The following LGSN variants were observed in gnomAD, a reference collection of about 807,000 sequenced individuals.
LGSN encodes the protein lengsin.
Under a neutral mutation model 19.5 loss-of-function variants are expected in LGSN, and 21 were observed. That is an observed-to-expected ratio of 1.07 (90% CI 0.76 to 1.55). The LOEUF (loss-of-function observed/expected upper bound fraction) is 1.55, where lower values mean the gene tolerates loss of function less well. Ranked by LOEUF, LGSN falls within the 40% of genes most tolerant of loss-of-function variation. LGSN has a pLI of 0.00. For synonymous variants in LGSN, 257 were observed against 215.6 expected (o/e 1.19, Z -1.68); for missense variants, 673 against 608.5 (o/e 1.11, Z -1.12).
At chr6:63,440,066 A>T in the LGSN span, among the ~76,000 whole-genome samples, 23 of 152,276 alleles carry the variant, frequency 1.5e-4, no homozygotes, top group Non-Finnish European at 3.1e-4. Flanking sequence ...TCCACCACTA[A>T]AACAGTCTTC....
chr6:63,330,387 T>C, the LGSN span, among the ~76,000 whole-genome samples: 1 of 152,204 alleles, frequency 6.6e-6, no homozygotes, highest in Non-Finnish European at 1.5e-5. Flanking sequence ...TATAGAACAC[T>C]GAGGTTGCCA....
chr6:63,489,825 G>C, the LGSN span, among the ~76,000 whole-genome samples: 1 of 152,138 alleles, frequency 6.6e-6, no homozygotes, highest in South Asian at 2.1e-4. Context: ...TCCTGGCTCT[G>C]CCTCCTGAGG....
chr6:63,440,728 A>C, the LGSN span: 1 of 152,506 alleles, frequency 6.6e-6, no homozygotes, highest in African/African-American at 2.4e-5. Flanking sequence ...CCCACCCATC[A>C]AAACCCTGGA....
chr6:63,337,205 G>C, the LGSN span, among the ~76,000 whole-genome samples: 6 of 151,982 alleles, frequency 3.9e-5, 1 homozygote, highest in Admixed American at 3.3e-4. Flanking sequence ...TTACAGGTGT[G>C]AGCCACTGTG....
the LGSN span, among the ~76,000 whole-genome samples, chr6:63,529,151 A>C: frequency 1.0e-4 from 11 of 106,780 alleles, no homozygotes; most frequent in Non-Finnish European, 1.8e-4. Flanking sequence ...ATATATATGT[A>C]TATATATGTG....
the LGSN span, among the ~76,000 whole-genome samples, chr6:63,488,408 G>A: frequency 6.6e-6 from 1 of 152,122 alleles, no homozygotes; most frequent in Non-Finnish European, 1.5e-5. Context: ...CAGGTTGATC[G>A]ATCCCCTTTC....
At chr6:63,362,452 G>A in the LGSN span, among the ~76,000 whole-genome samples, 1 of 152,204 alleles carries the variant, frequency 6.6e-6, no homozygotes, top group Admixed American at 6.5e-5. Flanking sequence ...GTAGCCAAGG[G>A]AAGCCATGAC....
chr6:63,299,838 T>G (rs1267040744), intron 1 of LGSN, among the ~76,000 whole-genome samples: 1 of 152,198 alleles, frequency 6.6e-6, no homozygotes, highest in African/African-American at 2.4e-5. Context: ...CAGACTTTTT[T>G]TTCTGGGTCT....
chr6:63,327,541 C>G, the LGSN span, among the ~76,000 whole-genome samples: 2 of 152,098 alleles, frequency 1.3e-5, no homozygotes, highest in Non-Finnish European at 2.9e-5. Flanking sequence ...TAGGCCTCGG[C>G]AGTATTGGAG....
chr6:63,454,310 G>GA, the LGSN span, among the ~76,000 whole-genome samples: 3 of 152,094 alleles, frequency 2.0e-5, no homozygotes, highest in African/African-American at 7.2e-5. Context: ...AGGTACTGGA[G>GA]AAAAAATAAA....
the LGSN span, among the ~76,000 whole-genome samples, chr6:63,529,037 C>T: frequency 3.3e-5 from 5 of 150,706 alleles, no homozygotes; most frequent in Non-Finnish European, 4.4e-5. Context: ...TACAGTGAGC[C>T]GAGATTGCAC....
At chr6:63,301,417 G>A (rs1314442193) in intron 1 of LGSN, among the ~76,000 whole-genome samples, 2 of 152,102 alleles carry the variant, frequency 1.3e-5, no homozygotes, top group East Asian at 3.9e-4. Flanking sequence ...TAGTTTAGAG[G>A]TTATTTAAAG....
chr6:63,325,751 C>T, the LGSN span, among the ~76,000 whole-genome samples: 1 of 152,082 alleles, frequency 6.6e-6, no homozygotes, highest in Non-Finnish European at 1.5e-5. Context: ...CTGGTGGGTT[C>T]GTGGTCTCGC....
At chr6:63,414,923 T>G in the LGSN span, among the ~76,000 whole-genome samples, 3 of 152,068 alleles carry the variant, frequency 2.0e-5, no homozygotes, top group Admixed American at 2.0e-4. Context: ...TAAAAAAAAT[T>G]AAATTAAAAA....
chr6:63,572,445 C>A, the LGSN span: 3 of 376,922 alleles, frequency 8.0e-6, no homozygotes, highest in Non-Finnish European at 1.4e-5. Flanking sequence ...GCACGTCGCG[C>A]CGGCTATAAA....
the LGSN span, among the ~76,000 whole-genome samples, chr6:63,479,003 A>G: frequency 1.3e-5 from 2 of 152,156 alleles, no homozygotes; most frequent in Non-Finnish European, 2.9e-5. Flanking sequence ...TTTCAGTTGT[A>G]CTCTCAGAAG....
At chr6:63,501,233 C>T in the LGSN span, among the ~76,000 whole-genome samples, 1 of 151,592 alleles carries the variant, frequency 6.6e-6, no homozygotes, top group African/African-American at 2.4e-5. Context: ...ATTAGCCAGG[C>T]GTAGTGTAGT....
the LGSN span, among the ~76,000 whole-genome samples, chr6:63,562,829 A>G: frequency 6.6e-6 from 1 of 152,180 alleles, no homozygotes; most frequent in Non-Finnish European, 1.5e-5. Context: ...GCCTTTATTT[A>G]TTTTAAGTTT....
the LGSN span, among the ~76,000 whole-genome samples, chr6:63,515,267 T>A: frequency 3.2e-3 from 492 of 152,264 alleles, 2 homozygotes; most frequent in African/African-American, 0.011. Flanking sequence ...AATTTCGCTT[T>A]GTCACCCAGG....
Sources: gnomAD v4.1 joint callset for allele counts (sites outside exome capture counted in the v4.1 genomes callset) on GRCh38, gnomAD v4.1.1 for gene constraint, MANE v1.5 for transcripts, NCBI Gene and HGNC (gene_info 2026-07-23, HGNC 2026-07-21) for gene names.